SYNJ2: variants seen among roughly 807,000 people sequenced by gnomAD.
SYNJ2 encodes the protein synaptojanin 2, also known as polyphosphatidylinositol phosphatase SYNJ2.
SYNJ2 carries 116 observed loss-of-function variants against 141.3 expected under a neutral mutation model. That is an observed-to-expected ratio of 0.82 (90% CI 0.71 to 0.96). The LOEUF is 0.96. Among genes scored for constraint, SYNJ2 ranks in the 40% least tolerant of loss-of-function variants. The probability of loss-of-function intolerance (pLI) is 0.00; values close to 1 mark genes in which losing one functional copy is unlikely to be tolerated. For synonymous variants in SYNJ2, 745 were observed against 777.7 expected (o/e 0.96, Z 0.70); for missense variants, 1,873 against 1,934.8 (o/e 0.97, Z 0.60).
chr6:158,086,285 GA>G (rs1196307049), intron 22 of SYNJ2, among the ~76,000 whole-genome samples: 1 of 152,172 alleles, frequency 6.6e-6, no homozygotes, highest in Non-Finnish European at 1.5e-5. Context: ...TGTGCCTCCT[GA>G]AAACCCCTCA....
intron 1 of SYNJ2, among the ~76,000 whole-genome samples, chr6:157,997,898 C>T (rs1346969942): frequency 2.0e-5 from 3 of 152,250 alleles, no homozygotes; most frequent in African/African-American, 7.2e-5. Context: ...AGGCTCAGAA[C>T]AGACTTGTGT....
Position 157,997,411 on chromosome 6 carries a change from G to A in SYNJ2, c.127+15323G>A, listed in dbSNP as rs569105662. The stretch of plus-strand genomic sequence containing the variant: ...AAGAAGAAAAGGGACACAGGCAGAC[G>A]CACGCAGAGGGGAGAATGTCATGTG... On this transcript the variant is annotated intron_variant, in intron 1 of 26. Transcript: ENST00000355585. Among the ~76,000 whole-genome samples, 13 of 152,280 alleles carry A rather than the reference G, an allele frequency of 8.5e-5. No homozygotes were observed. In the South Asian group the frequency reaches 1.0e-3, roughly 12 times the overall value.
At chr6:158,056,667 A>C (rs1342791078) in intron 6 of SYNJ2, among the ~76,000 whole-genome samples, 1 of 152,208 alleles carries the variant, frequency 6.6e-6, no homozygotes, top group African/African-American at 2.4e-5. Context: ...GTGTCCCTGG[A>C]CTGGCATGTG....
In SYNJ2 at chr6:158,071,529, C is replaced by G. The variant is rs1781921568; in HGVS notation, c.1941-73C>G. 3 of 1,540,610 alleles carry G rather than the reference C, an allele frequency of 1.9e-6. No individual in the cohort carries two copies. The highest frequency in any genetic ancestry group is 2.6e-6 in the Non-Finnish European group (3 of 1,139,006). On this transcript the variant is annotated intron_variant, in intron 14 of 26. Coordinates refer to ENST00000355585, the MANE Select transcript of SYNJ2 (RefSeq NM_003898.4). The surrounding 1 kb of genome is among the most constrained non-coding windows in gnomAD (Gnocchi z 4.3). ...AGCAGGTCCCGAGCTGCTGCTGGGC[C>G]CTTCTCTGTGGCAAAGCAGGGTCAC... is the stretch of plus-strand genomic sequence containing the variant.
chr6:158,088,585 G>T, intron 23 of SYNJ2, 75 bp from the exon 24 acceptor site: 1 of 1,103,462 alleles, frequency 9.1e-7, no homozygotes. Context: ...GCCTCGTCTA[G>T]TCGGGCTCCT....
At chr6:158,000,063 G>GTTTT (rs1777779605) in intron 1 of SYNJ2, among the ~76,000 whole-genome samples, 1 of 78,314 alleles carries the variant, frequency 1.3e-5, no homozygotes, top group Non-Finnish European at 2.7e-5. Context: ...AAGCCAAAAG[G>GTTTT]CTTTTTTTTT....
In SYNJ2 at chr6:158,050,838, T is replaced by G. The variant is rs138081774; in HGVS notation, c.796-4129T>G. On this transcript the variant is annotated intron_variant, in intron 5 of 26. Transcript: ENST00000355585. ...AGGTTTGTTAGAAACTTTGAAGTGC[T>G]TCTGGGTCTTTCCATGGGGGTTCTG... is the stretch of plus-strand genomic sequence containing the variant. Among the ~76,000 whole-genome samples, 124 of 152,282 alleles carry G rather than the reference T, an allele frequency of 8.1e-4. 1 individual carries two copies. The East Asian group carries it at 0.023, about 28-fold the overall frequency.
chr6:157,999,737 GCCCCTGGCAGGAGTCAGGGCAGGCAT>G (rs1194926993), intron 1 of SYNJ2, among the ~76,000 whole-genome samples: 2 of 152,194 alleles, frequency 1.3e-5, no homozygotes, highest in African/African-American at 2.4e-5. Flanking sequence ...GGGCAAGGAA[GCCCCTGGCAGGAGTCAGGGCAGGCAT>G]CCCGGGCAGG....
chr6:158,029,572 A>G (rs939468160), intron 3 of SYNJ2, among the ~76,000 whole-genome samples: 1 of 151,866 alleles, frequency 6.6e-6, no homozygotes, highest in East Asian at 1.9e-4. Flanking sequence ...CTCAAAGAAA[A>G]AGAAAGAAAG....
chr6:157,991,886 C>T (rs1339954770), intron 1 of SYNJ2, among the ~76,000 whole-genome samples: 1 of 149,816 alleles, frequency 6.7e-6, no homozygotes. Flanking sequence ...GCAATTGAAG[C>T]TTACTTTGGG....
At chr6:157,992,401 CTT>C (rs57905567) in intron 1 of SYNJ2, among the ~76,000 whole-genome samples, 43 of 120,394 alleles carry the variant, frequency 3.6e-4, no homozygotes, top group African/African-American at 9.2e-4. Flanking sequence ...TGGCTTGTTT[CTT>C]TTTTTTTTTT....
At chr6:158,005,092 T>G (rs1339845948) in intron 1 of SYNJ2, among the ~76,000 whole-genome samples, 2 of 150,876 alleles carry the variant, frequency 1.3e-5, no homozygotes, top group East Asian at 3.9e-4. Flanking sequence ...TTTTTTTTTT[T>G]TTTTTGAGAC....
chr6:158,002,850 G>A (rs1006914177), intron 1 of SYNJ2, among the ~76,000 whole-genome samples: 7 of 152,198 alleles, frequency 4.6e-5, no homozygotes, highest in Non-Finnish European at 8.8e-5. Context: ...GGCTCTGCCC[G>A]AGGCATATGT....
chr6:158,021,600 C>T (rs983054180), intron 2 of SYNJ2, among the ~76,000 whole-genome samples: 1 of 152,056 alleles, frequency 6.6e-6, no homozygotes, highest in African/African-American at 2.4e-5. Flanking sequence ...GGGCTGAGGA[C>T]GAGGTGTGAG....
At position 158,078,213 on chromosome 6, in the gene SYNJ2, C is replaced by A; in HGVS notation, c.2499C>A (p.Val833=). Residue 833 remains valine, a synonymous_variant, in exon 18 of 27, where the codon GTC becomes GTA. Transcript: ENST00000355585. ...LDSDLDVDTK[V]RHTWSPGALQ... The stretch of plus-strand genomic sequence containing the variant: ...GTGATCTAGATGTTGACACCAAAGT[C>A]AGACACACCTGGTCTCCTGGTGCCC... 6.2e-7 allele frequency: 1 copy of A among 1,614,060 alleles called. No homozygotes were observed. The highest frequency in any genetic ancestry group is 1.1e-5 in the South Asian group (1 of 91,066).
intron 1 of SYNJ2, among the ~76,000 whole-genome samples, chr6:157,998,847 C>T (rs1777729423): frequency 6.6e-6 from 1 of 152,208 alleles, no homozygotes; most frequent in African/African-American, 2.4e-5. Context: ...GGTGAACACA[C>T]CCACATAGCC....
intron 1 of SYNJ2, among the ~76,000 whole-genome samples, chr6:158,003,058 T>A (rs1733271845): frequency 6.6e-6 from 1 of 152,158 alleles, no homozygotes; most frequent in Admixed American, 6.5e-5. Flanking sequence ...GGACCCACCC[T>A]CCCCACAGAT....
At chr6:158,024,113 A>G (rs1778914296) in intron 2 of SYNJ2, among the ~76,000 whole-genome samples, 1 of 152,158 alleles carries the variant, frequency 6.6e-6, no homozygotes, top group African/African-American at 2.4e-5. Flanking sequence ...CCAACACATT[A>G]TGACTTTTTG....
At chr6:158,076,516 C>T in intron 16 of SYNJ2, 110 bp from the exon 17 acceptor site, 1 of 1,224,338 alleles carries the variant, frequency 8.2e-7, no homozygotes, top group Non-Finnish European at 1.1e-6. Context: ...TGTAATGGAG[C>T]TTCTGTTACT....
Sources: gnomAD v4.1 joint callset for allele counts (sites outside exome capture counted in the v4.1 genomes callset) on GRCh38, gnomAD v4.1.1 for gene constraint, Gnocchi (gnomAD v3.1) non-coding constraint, MANE v1.5 for transcripts, NCBI Gene and HGNC (gene_info 2026-07-23, HGNC 2026-07-21) for gene names.